Variants in LRP1B observed in about 807,000 individuals in gnomAD.
The protein encoded by LRP1B is LDL receptor related protein 1B, also known as low-density lipoprotein receptor-related protein 1B.
In LRP1B, 217 loss-of-function variants were observed where a neutral mutation model predicts 556.6. The observed-to-expected ratio is 0.39, with a 90% CI of 0.35 to 0.44. LRP1B has a LOEUF of 0.44. Ranked by LOEUF, LRP1B falls within the 20% of genes least tolerant of loss-of-function variation. The pLI is 1.00. For synonymous variants in LRP1B, 2,047 were observed against 1,865.8 expected (o/e 1.10, Z -2.50); for missense variants, 5,053 against 5,620.8 (o/e 0.90, Z 3.23).
chr2:141,180,041 A>C (rs1035864777), intron 7 of LRP1B, among the ~76,000 whole-genome samples: 1 of 151,798 alleles, frequency 6.6e-6, no homozygotes, highest in Non-Finnish European at 1.5e-5. Flanking sequence ...TGGTGTTTGC[A>C]AACCAAGATT....
chr2:140,658,918 G>A (rs2105335615), intron 41 of LRP1B, among the ~76,000 whole-genome samples: 1 of 151,924 alleles, frequency 6.6e-6, no homozygotes, highest in East Asian at 1.9e-4. Context: ...GGCTGTTTAT[G>A]AATTCTAAAT....
At chr2:140,394,124 A>AT (rs34965660) in intron 66 of LRP1B, among the ~76,000 whole-genome samples, 35,503 of 122,326 alleles carry the variant, frequency 0.29, 5,734 homozygotes, top group Non-Finnish European at 0.37. Flanking sequence ...ACTGGCACAT[A>AT]TTTTTTTTTT....
In LRP1B at chr2:140,364,651, A is replaced by G. The variant is rs374548944; in HGVS notation, c.11131+10T>C. On this transcript the variant is annotated intron_variant, in intron 72 of 90. Coordinates refer to ENST00000389484, the MANE Select transcript of LRP1B (RefSeq NM_018557.3). ...AAAAGTATAATCTAGAGCCACGTGAAATGCCATACCACACATATCAGGGGC... is the reference window on the plus strand; with the variant it reads ...AAAAGTATAATCTAGAGCCACGTGAGATGCCATACCACACATATCAGGGGC... 12 of 1,608,264 alleles carry G rather than the reference A, an allele frequency of 7.5e-6. No individual in the cohort carries two copies. Among genetic ancestry groups the G allele is most frequent in the Non-Finnish European group, 1.0e-5 (12 of 1,176,648 alleles).
intron 86 of LRP1B, among the ~76,000 whole-genome samples, chr2:140,251,814 A>G (rs952632065): frequency 6.6e-6 from 1 of 151,802 alleles, no homozygotes; most frequent in Non-Finnish European, 1.5e-5. Flanking sequence ...ATTACAGGTT[A>G]TGCATCAGTT....
intron 24 of LRP1B, 123 bp downstream of exon 24, chr2:140,886,015 G>A (rs1164299365): frequency 3.3e-6 from 2 of 599,824 alleles, no homozygotes; most frequent in Admixed American, 6.6e-5. Context: ...TTACATATAT[G>A]AGGGAGGGGA....
At chr2:141,290,474 T>C (rs1017493945) in intron 3 of LRP1B, among the ~76,000 whole-genome samples, 2 of 152,176 alleles carry the variant, frequency 1.3e-5, no homozygotes, top group Non-Finnish European at 2.9e-5. Flanking sequence ...TTCAATGTTG[T>C]ATTTATTGTA....
chr2:140,435,329 G>A (rs562815178), intron 66 of LRP1B, among the ~76,000 whole-genome samples: 27 of 152,110 alleles, frequency 1.8e-4, no homozygotes, highest in Admixed American at 2.6e-4. Context: ...TGTAGTTTTA[G>A]AGAACTGAAT....
chr2:141,765,440 C>T (rs998865930), intron 2 of LRP1B, among the ~76,000 whole-genome samples: 1 of 151,854 alleles, frequency 6.6e-6, no homozygotes, highest in African/African-American at 2.4e-5. Flanking sequence ...AATTCAGAAA[C>T]AATTTATCAA....
chr2:140,434,259 G>T (rs765114670), intron 66 of LRP1B, among the ~76,000 whole-genome samples: 2 of 151,666 alleles, frequency 1.3e-5, no homozygotes, highest in South Asian at 2.1e-4. Flanking sequence ...TAGTACAGAC[G>T]GGGTTTCACC....
chr2:142,021,737 T>C (rs1216221859), intron 1 of LRP1B, among the ~76,000 whole-genome samples: 2 of 152,116 alleles, frequency 1.3e-5, no homozygotes, highest in African/African-American at 2.4e-5. Flanking sequence ...AAAAGTAGAA[T>C]ATTTTAATAA....
intron 1 of LRP1B, among the ~76,000 whole-genome samples, chr2:141,829,401 A>C (rs879706083): frequency 4.0e-5 from 6 of 151,644 alleles, no homozygotes; most frequent in Admixed American, 3.9e-4. Flanking sequence ...GAGATTTTCC[A>C]AAAAAAAATT....
intron 1 of LRP1B, among the ~76,000 whole-genome samples, chr2:142,018,495 T>C (rs1703224288): frequency 6.6e-6 from 1 of 152,170 alleles, no homozygotes; most frequent in Admixed American, 6.5e-5. Flanking sequence ...TGGTGGTTCT[T>C]TTAATTTTAT....
In LRP1B at chr2:140,358,099, C is replaced by T. The variant is rs759183244; in HGVS notation, c.11275G>A (p.Ala3759Thr). 1.6e-5 allele frequency: 25 copies of T among 1,610,806 alleles called. No individual in the cohort carries two copies. The highest frequency in any genetic ancestry group is 2.0e-5 in the Non-Finnish European group (23 of 1,177,950). Residue 3759 changes from alanine to threonine, a missense_variant, in exon 74 of 91, where the codon GCA (alanine) becomes ACA (threonine). By Grantham distance (58) the Ala-to-Thr change is moderately conservative. This residue lies in a region of LRP1B where 599 missense variants were observed against 648.4 expected (regional missense o/e 0.92). Transcript: ENST00000389484. ...AACTCATCCTTTTTACAAGGCCTTG[C>T]TTTATATGTCAGCTTACCTATAGAG... ...DHCGGKLTYKARPCKKDEFAC... is the reference protein window; with the variant it reads ...DHCGGKLTYKTRPCKKDEFAC...
At chr2:141,582,135 T>C (rs538506268) in intron 2 of LRP1B, among the ~76,000 whole-genome samples, 2 of 152,102 alleles carry the variant, frequency 1.3e-5, no homozygotes, top group African/African-American at 2.4e-5. Flanking sequence ...ATCTCAGGAG[T>C]TGTCATAATA....
rs771629207 is a variant in LRP1B, at chr2:140,352,981, T to C, written c.11622A>G (p.Gln3874=). The change falls in exon 76 of 91, where the codon CAA becomes CAG. Residue 3874 remains glutamine, a synonymous_variant. Coordinates refer to ENST00000389484, the MANE Select transcript of LRP1B (RefSeq NM_018557.3). ...SYKCVCDQNF[Q]ERNNTCIAEG... is the part of the protein sequence containing the mutation. The stretch of plus-strand genomic sequence containing the variant: ...CTGCTATGCAGGTGTTATTTCTTTC[T>C]TGAAAATTCTGGTCACACACACATT... The C allele has an allele frequency of 1.2e-6, 2 of 1,612,898 alleles. No homozygotes were observed. The highest frequency in any genetic ancestry group is 1.7e-6 in the Non-Finnish European group (2 of 1,179,350).
intron 3 of LRP1B, among the ~76,000 whole-genome samples, chr2:141,292,818 G>T (rs1354905045): frequency 1.3e-5 from 2 of 152,088 alleles, no homozygotes; most frequent in Admixed American, 6.6e-5. Context: ...ACAACCAAAT[G>T]CAATGTGAAA....
Position 140,922,968 on chromosome 2 carries a change from T to A in LRP1B, c.3316A>T (p.Thr1106Ser), listed in dbSNP as rs149762127. The change falls in exon 21 of 91, where the codon ACA (threonine) becomes TCA (serine). Residue 1106 changes from threonine to serine, a missense_variant. By Grantham distance (58) the Thr-to-Ser change is moderately conservative. Around this residue, in one of 5 missense-constraint regions of LRP1B, gnomAD observed 3,619 missense variants for 3,931.9 expected, o/e 0.92. Transcript: ENST00000389484. ...GCCAAAAGCAATGTTCACTTACCTG[T>A]ACTCCAACAGGAAAACTTGGTTTTG... ...DHKTKFSCWS[T>S]GRCINKAWVC... is the part of the protein sequence containing the mutation. 2 of 1,612,048 alleles carry A rather than the reference T, an allele frequency of 1.2e-6. No individual in the cohort carries two copies. The highest frequency in any genetic ancestry group is 2.7e-5 in the African/African-American group (2 of 74,816).
At chr2:141,518,711 C>T (rs12997254) in intron 2 of LRP1B, among the ~76,000 whole-genome samples, 1 of 151,574 alleles carries the variant, frequency 6.6e-6, no homozygotes, top group African/African-American at 2.4e-5. Flanking sequence ...CACTTTGGGA[C>T]GCCGAGGTGG....
intron 66 of LRP1B, among the ~76,000 whole-genome samples, chr2:140,428,957 T>C (rs1049950927): frequency 3.9e-5 from 6 of 152,118 alleles, no homozygotes; most frequent in East Asian, 1.9e-4. Flanking sequence ...TACAGCCACA[T>C]CTCATTGCCA....
Sources: gnomAD v4.1 joint callset for allele counts (sites outside exome capture counted in the v4.1 genomes callset) on GRCh38, gnomAD v4.1.1 for gene constraint, gnomAD v4.1.1 regional missense constraint, MANE v1.5 for transcripts, NCBI Gene and HGNC (gene_info 2026-07-23, HGNC 2026-07-21) for gene names.